CDKL2: variants seen among roughly 807,000 people sequenced by gnomAD.
The protein encoded by CDKL2 is cyclin dependent kinase like 2.
A neutral mutation model predicts 63.9 loss-of-function variants in CDKL2; 64 were observed. That is an observed-to-expected ratio of 1.00 (90% CI 0.82 to 1.23). The LOEUF is 1.23. Among genes scored for constraint, CDKL2 ranks in the 50% most tolerant of loss-of-function variants. The pLI is 0.00. For missense variants in CDKL2, 656 were observed against 668.0 expected, an observed-to-expected ratio of 0.98 and a Z score of 0.20; for synonymous variants, 211 against 229.2, an observed-to-expected ratio of 0.92 and a Z score of 0.72.
At chr4:75,601,901 T>C (rs1729204537) in intron 6 of CDKL2, among the ~76,000 whole-genome samples, 1 of 152,346 alleles carries the variant, frequency 6.6e-6, no homozygotes, top group South Asian at 2.1e-4. Context: ...GTAAATCTTA[T>C]AGCCTAGTGT....
rs1186107640 is a variant in CDKL2 at position 75,630,113 on chromosome 4, A to T, written c.-101T>A. The T allele has an allele frequency of 6.5e-6, 1 of 152,686 alleles. No homozygotes were observed. Among genetic ancestry groups the T allele is most frequent in the Non-Finnish European group, 1.5e-5 (1 of 68,070 alleles). 9.5% of individuals were successfully genotyped at this position (152,686 alleles called of 1,614,324 possible). ...TGGAAACAAATTTGAGGTGAAATGC[A>T]TATGGTTCGCAGGTCCAAAAGATGC... On this transcript the variant is annotated 5_prime_UTR_variant, in exon 1 of 14. The change abolishes an upstream ATG in the 5' untranslated region. Transcript: ENST00000307465.
chr4:75,598,650 T>C (rs1578327865), intron 7 of CDKL2, among the ~76,000 whole-genome samples: 1 of 151,806 alleles, frequency 6.6e-6, no homozygotes, highest in East Asian at 1.9e-4. Flanking sequence ...CAAAAAGGTA[T>C]TGACTTCATT....
At chr4:75,591,968 T>G in intron 11 of CDKL2, 43 bp from the exon 12 acceptor site, 2 of 1,471,334 alleles carry the variant, frequency 1.4e-6, no homozygotes, top group Non-Finnish European at 1.8e-6. Context: ...TATTAGACAT[T>G]TTGTTAGTTT....
chr4:75,598,287 A>AT, intron 7 of CDKL2, 75 bp from the exon 8 acceptor site: 1 of 864,618 alleles, frequency 1.2e-6, no homozygotes, highest in Non-Finnish European at 1.7e-6. Context: ...CAAGATATTT[A>AT]TTTTTTAAAA....
chr4:75,625,922 T>A lies in CDKL2; in HGVS notation c.67A>T (p.Asn23Tyr). The change falls in exon 2 of 14, where the codon AAT becomes TAT. Residue 23 changes from asparagine (N) to tyrosine (Y), a missense_variant. By Grantham distance (143) the Asn-to-Tyr change is moderately radical. Coordinates refer to ENST00000307465, the MANE Select transcript of CDKL2 (RefSeq NM_001330724.2). ...GSYGMVMKCR[N>Y]KDTGRIVAIK... ...GCCACAATTCTTCCAGTATCTTTAT[T>A]CCTACACTTCATCACCATTCCATAA... 6.2e-7 allele frequency: 1 copy of A among 1,612,902 alleles called. No homozygotes were observed. Among genetic ancestry groups the A allele is most frequent in the East Asian group, 2.2e-5 (1 of 44,814 alleles).
At chr4:75,628,286 T>C (rs1022938902) in intron 1 of CDKL2, among the ~76,000 whole-genome samples, 7 of 152,082 alleles carry the variant, frequency 4.6e-5, no homozygotes, top group Non-Finnish European at 1.0e-4. Context: ...CAGCTAACTT[T>C]TTGTATTTTT....
At chr4:75,602,558 G>A (rs1255901279) in intron 6 of CDKL2, among the ~76,000 whole-genome samples, 2 of 151,984 alleles carry the variant, frequency 1.3e-5, no homozygotes, top group East Asian at 3.9e-4. Context: ...GTTTCACTCT[G>A]TCACCCAGGA....
chr4:75,579,870 G>A (rs1307137993), intron 13 of CDKL2, among the ~76,000 whole-genome samples: 1 of 152,204 alleles, frequency 6.6e-6, no homozygotes, highest in South Asian at 2.1e-4. Context: ...GAAAGGACCT[G>A]TGCAAATGAA....
chr4:75,627,127 C>T (rs917261448), intron 1 of CDKL2, among the ~76,000 whole-genome samples: 9 of 151,216 alleles, frequency 6.0e-5, no homozygotes, highest in Admixed American at 5.3e-4. Flanking sequence ...CCCTTGAACC[C>T]AGGAGGCGGA....
intron 6 of CDKL2, 58 bp downstream of exon 6, chr4:75,603,759 A>G: frequency 1.6e-6 from 2 of 1,224,692 alleles, no homozygotes; most frequent in East Asian, 2.6e-5. Flanking sequence ...AAAAAAAAAA[A>G]AGGTCTTGAT....
chr4:75,611,653 C>CTTTTT (rs1014442944), intron 3 of CDKL2, among the ~76,000 whole-genome samples: 1 of 134,492 alleles, frequency 7.4e-6, no homozygotes, highest in Non-Finnish European at 1.6e-5. Flanking sequence ...AGGGAACCAC[C>CTTTTT]TTTTTTTTTT....
In CDKL2 at chr4:75,607,238, C is replaced by A; in HGVS notation, c.487G>T (p.Ala163Ser). The part of the protein sequence containing the change: ...APGEVYTDYV[A>S]TRWYRAPELL... ...TCTGGAGCTCTGTACCATCGGGTTG[C>A]CACATAATCAGTATAAACCTCCCCA... The change falls in exon 4 of 14, where the codon GCA (alanine) becomes TCA (serine). Residue 163 changes from alanine to serine, a missense_variant. By Grantham distance (99) the Ala-to-Ser change is moderately conservative. Transcript: ENST00000307465. The A allele has an allele frequency of 6.2e-7, 1 of 1,613,948 alleles. No individual in the cohort carries two copies. Among genetic ancestry groups the A allele is most frequent in the African/African-American group, 1.3e-5 (1 of 75,034 alleles).
chr4:75,601,795 T>TA (rs1335125215), intron 6 of CDKL2, among the ~76,000 whole-genome samples: 1 of 152,192 alleles, frequency 6.6e-6, no homozygotes, highest in Non-Finnish European at 1.5e-5. Flanking sequence ...GAAGATTATG[T>TA]AAAAAACTGG....
In CDKL2 at chr4:75,596,289, T is replaced by A; in HGVS notation, c.1374A>T (p.Arg458Ser). The part of the protein sequence containing the change: ...KCSIPFVKPN[R>S]HSPSGIYNIN... ...TGTTATAAATGCCTGATGGGGAATG[T>A]CTGTTCGGTTTAACAAATGGAATAG... The change falls in exon 10 of 14, where the codon AGA (arginine) becomes AGT (serine). Residue 458 changes from arginine to serine, a missense_variant. By Grantham distance (110) the Arg-to-Ser change is moderately radical. Transcript: ENST00000307465. 1 of 1,612,754 alleles carries A rather than the reference T, an allele frequency of 6.2e-7. No homozygotes were observed. Among genetic ancestry groups the A allele is most frequent in the Non-Finnish European group, 8.5e-7 (1 of 1,178,730 alleles).
rs560993136 is a variant in CDKL2 at position 75,589,600 on chromosome 4, G to A, written c.1647+2219C>T. 2.6e-5 allele frequency among the ~76,000 whole-genome samples: 4 copies of A among 152,008 alleles called. No homozygotes were observed. The South Asian group carries it at 6.2e-4, about 24-fold the overall frequency. The stretch of plus-strand genomic sequence containing the variant: ...ATTACAGGCGTGAGCCACCGCGCCC[G>A]GCCGATAGTTTCTTATAAACATATA... On this transcript the variant is annotated intron_variant, in intron 12 of 13. Transcript: ENST00000307465.
At chr4:75,613,550 C>G (rs1357764263) in intron 3 of CDKL2, among the ~76,000 whole-genome samples, 1 of 152,048 alleles carries the variant, frequency 6.6e-6, no homozygotes, top group East Asian at 1.9e-4. Flanking sequence ...AGGTATCATT[C>G]TTCTTGTAAG....
At chr4:75,622,715 CAAAAAA>C (rs1171964321) in intron 2 of CDKL2, among the ~76,000 whole-genome samples, 5 of 13,956 alleles carry the variant, frequency 3.6e-4, no homozygotes, top group Non-Finnish European at 6.0e-4. Flanking sequence ...AAGACTCCAT[CAAAAAA>C]AAAAAAAAAA....
intron 2 of CDKL2, among the ~76,000 whole-genome samples, chr4:75,621,916 G>A (rs1335836577): frequency 6.6e-6 from 1 of 152,146 alleles, no homozygotes; most frequent in African/African-American, 2.4e-5. Flanking sequence ...TGCTGACTGT[G>A]AACAATTTTA....
chr4:75,604,201 T>G (rs1729326146), intron 5 of CDKL2, among the ~76,000 whole-genome samples: 1 of 152,228 alleles, frequency 6.6e-6, no homozygotes, highest in African/African-American at 2.4e-5. Flanking sequence ...CAGCACTTCG[T>G]TTCTAACTAG....
Sources: allele counts gnomAD v4.1 joint callset (sites outside exome capture counted in the v4.1 genomes callset), GRCh38; gene constraint gnomAD v4.1.1; transcripts MANE v1.5; gene names NCBI Gene and HGNC (gene_info 2026-07-23, HGNC 2026-07-21).